ATRNL1: variants seen among roughly 807,000 people sequenced by gnomAD.
The protein encoded by ATRNL1 is attractin like 1.
In ATRNL1, 95 loss-of-function variants were observed where a neutral mutation model predicts 182.7. The ratio of observed to expected loss-of-function variants is 0.52; its 90% CI spans 0.44 to 0.62. ATRNL1 has a LOEUF of 0.62. Ranked by LOEUF, ATRNL1 falls within the 20% of genes least tolerant of loss-of-function variation. The pLI is 0.00. For synonymous variants in ATRNL1, 576 were observed against 568.3 expected (o/e 1.01, Z -0.19); for missense variants, 1,471 against 1,679.5 (o/e 0.88, Z 2.17).
chr10:115,308,630 T>C (rs1392545458), intron 17 of ATRNL1, among the ~76,000 whole-genome samples: 1 of 152,132 alleles, frequency 6.6e-6, no homozygotes, highest in Non-Finnish European at 1.5e-5. Flanking sequence ...CAAAAATAAA[T>C]AAACAGGATT....
At chr10:115,412,570 A>G (rs1325970490) in intron 20 of ATRNL1, among the ~76,000 whole-genome samples, 1 of 152,164 alleles carries the variant, frequency 6.6e-6, no homozygotes, top group Non-Finnish European at 1.5e-5. Context: ...AAGTACTCTG[A>G]TATTTTATTT....
chr10:115,418,306 T>C (rs1845493121), intron 20 of ATRNL1, among the ~76,000 whole-genome samples: 2 of 151,736 alleles, frequency 1.3e-5, no homozygotes, highest in African/African-American at 4.8e-5. Flanking sequence ...ATACAATGAA[T>C]GAAATAAAAA....
chr10:115,220,750 G>T (rs1323354802), intron 9 of ATRNL1, among the ~76,000 whole-genome samples: 2 of 137,046 alleles, frequency 1.5e-5, no homozygotes, highest in African/African-American at 5.3e-5. Flanking sequence ...GGGTCAGGCA[G>T]TGCCCGCATG....
chr10:115,164,987 A>G (rs1554884027), intron 6 of ATRNL1, among the ~76,000 whole-genome samples: 1 of 152,082 alleles, frequency 6.6e-6, no homozygotes, highest in African/African-American at 2.4e-5. Context: ...TATGCTCCCA[A>G]CACAAAGAAG....
At chr10:115,103,123 T>C (rs1227806455) in intron 1 of ATRNL1, among the ~76,000 whole-genome samples, 1 of 149,772 alleles carries the variant, frequency 6.7e-6, no homozygotes, top group Non-Finnish European at 1.5e-5. Flanking sequence ...ATGCAACCCC[T>C]GCTTCCTGGG....
chr10:115,833,558 A>C (rs1555094427), intron 27 of ATRNL1, among the ~76,000 whole-genome samples: 1 of 152,168 alleles, frequency 6.6e-6, no homozygotes, highest in Non-Finnish European at 1.5e-5. Flanking sequence ...GATAAAATTA[A>C]ATAATAATCA....
intron 24 of ATRNL1, among the ~76,000 whole-genome samples, chr10:115,484,977 G>C (rs1848951799): frequency 6.6e-6 from 1 of 151,788 alleles, no homozygotes; most frequent in South Asian, 2.1e-4. Context: ...GAATCACTAT[G>C]TGAGCGAAAA....
intron 28 of ATRNL1, among the ~76,000 whole-genome samples, chr10:115,865,535 G>A (rs889611284): frequency 1.3e-5 from 2 of 151,994 alleles, no homozygotes; most frequent in Non-Finnish European, 2.9e-5. Flanking sequence ...TTTTATATAT[G>A]TATGTGTATC....
At chr10:115,775,738 C>T (rs1343748940) in intron 27 of ATRNL1, among the ~76,000 whole-genome samples, 1 of 151,964 alleles carries the variant, frequency 6.6e-6, no homozygotes, top group Non-Finnish European at 1.5e-5. Flanking sequence ...AGGCTGATCA[C>T]AAGGTTAGGA....
chr10:115,401,103 C>A (rs1844543303), intron 20 of ATRNL1, among the ~76,000 whole-genome samples: 1 of 151,844 alleles, frequency 6.6e-6, no homozygotes, highest in Admixed American at 6.6e-5. Context: ...ATAGCACCCC[C>A]TAGAACTTCA....
At chr10:115,207,375 GC>G (rs1848840212) in intron 8 of ATRNL1, among the ~76,000 whole-genome samples, 1 of 151,850 alleles carries the variant, frequency 6.6e-6, no homozygotes, top group African/African-American at 2.4e-5. Flanking sequence ...TTTAATGATC[GC>G]CGTTCTAACT....
intron 28 of ATRNL1, among the ~76,000 whole-genome samples, chr10:115,903,044 G>T (rs567186530): frequency 6.6e-6 from 1 of 152,112 alleles, no homozygotes; most frequent in South Asian, 2.1e-4. Flanking sequence ...GATCCTCTTG[G>T]CCCCCTTGTA....
At chr10:115,182,082 A>AT (rs1389530577) in intron 8 of ATRNL1, among the ~76,000 whole-genome samples, 1 of 151,490 alleles carries the variant, frequency 6.6e-6, no homozygotes, top group Non-Finnish European at 1.5e-5. Context: ...ATACATTTTT[A>AT]TTTTTTATTA....
At chr10:115,211,829 T>A (rs930614806) in intron 8 of ATRNL1, among the ~76,000 whole-genome samples, 1 of 149,480 alleles carries the variant, frequency 6.7e-6, no homozygotes, top group African/African-American at 2.5e-5. Context: ...TTCTCATCGT[T>A]CAATTCCCAC....
intron 27 of ATRNL1, among the ~76,000 whole-genome samples, chr10:115,815,415 A>ATGTGTGTGTG (rs367551845): frequency 0.089 from 12,650 of 142,888 alleles, 645 homozygotes; most frequent in East Asian, 0.12. Flanking sequence ...GTGTGTGTGT[A>ATGTGTGTGTG]TGTGTGTGTG....
intron 24 of ATRNL1, among the ~76,000 whole-genome samples, chr10:115,518,087 A>G (rs1168130379): frequency 2.6e-5 from 4 of 151,950 alleles, no homozygotes; most frequent in African/African-American, 4.8e-5. Flanking sequence ...AATTCTTTAC[A>G]TAAGAAATAC....
At chr10:115,176,891 T>C (rs1195967703) in intron 8 of ATRNL1, among the ~76,000 whole-genome samples, 1 of 152,098 alleles carries the variant, frequency 6.6e-6, no homozygotes, top group African/African-American at 2.4e-5. Flanking sequence ...TCTAGTAAAG[T>C]GCCATATTCT....
chr10:115,456,015 G>A (rs1053523914), intron 21 of ATRNL1, among the ~76,000 whole-genome samples: 2 of 152,142 alleles, frequency 1.3e-5, no homozygotes, highest in African/African-American at 4.8e-5. Context: ...GGAGAAATAG[G>A]AATGCTTTTG....
intron 26 of ATRNL1, among the ~76,000 whole-genome samples, chr10:115,636,950 A>G (rs1488034169): frequency 6.6e-6 from 1 of 152,192 alleles, no homozygotes; most frequent in East Asian, 1.9e-4. Context: ...AATGGTCCCA[A>G]GAGATCAGGA....
Sources: gnomAD v4.1 joint callset for allele counts (sites outside exome capture counted in the v4.1 genomes callset) on GRCh38, gnomAD v4.1.1 for gene constraint, MANE v1.5 for transcripts, NCBI Gene and HGNC (gene_info 2026-07-23, HGNC 2026-07-21) for gene names.